ENTREP2: variants seen among roughly 807,000 people sequenced by gnomAD.
ENTREP2 encodes protein ENTREP2.
chr15:29,635,465 G>A, the ENTREP2 span, among the ~76,000 whole-genome samples: 1 of 152,178 alleles, frequency 6.6e-6, no homozygotes, highest in Admixed American at 6.5e-5. Context: ...CAGGAGTCCT[G>A]CACTGTAGGG....
chr15:29,123,247 G>A, the ENTREP2 span: 1 of 1,320,136 alleles, frequency 7.6e-7, no homozygotes. Context: ...CGCCAAGCTG[G>A]GCCTGAAGGC....
the ENTREP2 span, chr15:29,136,298 G>A: frequency 7.1e-7 from 1 of 1,416,774 alleles, no homozygotes; most frequent in Non-Finnish European, 9.2e-7. Context: ...TGCCTTCCGA[G>A]GGCAGGCCGG....
chr15:29,611,396 A>G, the ENTREP2 span, among the ~76,000 whole-genome samples: 1 of 152,148 alleles, frequency 6.6e-6, no homozygotes, highest in African/African-American at 2.4e-5. Flanking sequence ...AACTCTTAAA[A>G]AAGAAAAACA....
chr15:29,299,384 A>C, the ENTREP2 span, among the ~76,000 whole-genome samples: 24,592 of 152,010 alleles, frequency 0.16, 3,309 homozygotes, highest in African/African-American at 0.38. Context: ...GTGGAGATGA[A>C]CTGCTGCCTC....
the ENTREP2 span, among the ~76,000 whole-genome samples, chr15:29,232,514 G>T: frequency 6.6e-6 from 1 of 151,210 alleles, no homozygotes; most frequent in Admixed American, 6.6e-5. Context: ...TTAAAGAGAT[G>T]GGGGGTCTCA....
the ENTREP2 span, among the ~76,000 whole-genome samples, chr15:29,346,561 T>C: frequency 3.3e-5 from 5 of 152,162 alleles, no homozygotes; most frequent in African/African-American, 9.7e-5. Context: ...ATTACTCCCA[T>C]TAAAGTCAAA....
the ENTREP2 span, among the ~76,000 whole-genome samples, chr15:29,657,254 T>C: frequency 6.6e-6 from 1 of 150,636 alleles, no homozygotes; most frequent in African/African-American, 2.5e-5. Flanking sequence ...GGCTACAGGG[T>C]TTCACCGTAT....
chr15:29,242,161 C>T, the ENTREP2 span, among the ~76,000 whole-genome samples: 1 of 152,234 alleles, frequency 6.6e-6, no homozygotes, highest in Non-Finnish European at 1.5e-5. Flanking sequence ...GCAACCTCCA[C>T]TGCACCCCCT....
At chr15:29,517,661 C>T in the ENTREP2 span, among the ~76,000 whole-genome samples, 359 of 152,232 alleles carry the variant, frequency 2.4e-3, 2 homozygotes, top group African/African-American at 8.3e-3. Flanking sequence ...TAATATATAA[C>T]TCTTTGGACA....
chr15:29,531,190 C>A, the ENTREP2 span, among the ~76,000 whole-genome samples: 16 of 152,172 alleles, frequency 1.1e-4, no homozygotes, highest in African/African-American at 3.9e-4. Context: ...ATCCTTTATG[C>A]GTGACAGTCT....
the ENTREP2 span, among the ~76,000 whole-genome samples, chr15:29,388,660 T>C: frequency 1.3e-5 from 2 of 152,304 alleles, no homozygotes; most frequent in Admixed American, 6.5e-5. Context: ...TAAAGACACA[T>C]GCACACACGT....
the ENTREP2 span, among the ~76,000 whole-genome samples, chr15:29,338,903 C>CCT: frequency 1.3e-5 from 2 of 151,902 alleles, no homozygotes; most frequent in East Asian, 3.9e-4. Context: ...TAATACTCCC[C>CCT]ACTCAGTTTC....
the ENTREP2 span, among the ~76,000 whole-genome samples, chr15:29,316,073 C>A: frequency 6.6e-6 from 1 of 152,160 alleles, no homozygotes; most frequent in South Asian, 2.1e-4. Flanking sequence ...AAACACTTTA[C>A]TGCATAGATT....
the ENTREP2 span, among the ~76,000 whole-genome samples, chr15:29,180,500 AC>A: frequency 6.6e-6 from 1 of 152,104 alleles, no homozygotes; most frequent in Non-Finnish European, 1.5e-5. Flanking sequence ...CCCTGTCTCT[AC>A]TAAAATACAA....
At chr15:29,136,991 C>T in the ENTREP2 span, 7 of 1,390,882 alleles carry the variant, frequency 5.0e-6, no homozygotes, top group African/African-American at 1.5e-5. Context: ...CACTGCTGCC[C>T]ATCTTAGTGG....
chr15:29,657,141 C>G, the ENTREP2 span, among the ~76,000 whole-genome samples: 1 of 152,108 alleles, frequency 6.6e-6, no homozygotes, highest in Admixed American at 6.6e-5. Flanking sequence ...TCCGCCTCCC[C>G]CGTTCCGGCC....
chr15:29,157,731 C>CT, the ENTREP2 span, among the ~76,000 whole-genome samples: 776 of 129,638 alleles, frequency 6.0e-3, 10 homozygotes, highest in African/African-American at 0.02. Flanking sequence ...ATAGCGACAT[C>CT]TTTTTTTTTT....
the ENTREP2 span, among the ~76,000 whole-genome samples, chr15:29,615,557 C>T: frequency 6.6e-6 from 1 of 152,146 alleles, no homozygotes; most frequent in African/African-American, 2.4e-5. Flanking sequence ...CCTCTCCATT[C>T]CCAATTTGTC....
chr15:29,136,906 A>G, the ENTREP2 span: 41 of 835,920 alleles, frequency 4.9e-5, no homozygotes, highest in South Asian at 3.9e-4. Flanking sequence ...TATGTCTAAG[A>G]CCCTCTCCTT....
Sources: gnomAD v4.1 joint callset for allele counts (sites outside exome capture counted in the v4.1 genomes callset) on GRCh38, gnomAD v4.1.1 for gene constraint, MANE v1.5 for transcripts, NCBI Gene and HGNC (gene_info 2026-07-23, HGNC 2026-07-21) for gene names.